The following ATP11A variants were observed in gnomAD, a reference collection of about 807,000 sequenced individuals.
ATP11A encodes phospholipid-transporting ATPase IH.
A neutral mutation model predicts 154.4 loss-of-function variants in ATP11A; 81 were observed. That is an observed-to-expected ratio of 0.52 (90% CI 0.44 to 0.63). The LOEUF (loss-of-function observed/expected upper bound fraction) is 0.63, where lower values mean the gene tolerates loss of function less well. Among genes scored for constraint, ATP11A ranks in the 30% least tolerant of loss-of-function variants. The pLI, the probability that ATP11A is intolerant of heterozygous loss-of-function variation, is 0.00. For synonymous variants in ATP11A, 623 were observed against 585.9 expected, an observed-to-expected ratio of 1.06 and a Z score of -0.91; for missense variants, 1,316 against 1,474.3, an observed-to-expected ratio of 0.89 and a Z score of 1.76.
intron 1 of ATP11A, among the ~76,000 whole-genome samples, chr13:112,722,749 A>T (rs1594419022): frequency 6.6e-6 from 1 of 152,190 alleles, no homozygotes; most frequent in South Asian, 2.1e-4. Context: ...CGTGGCTTGG[A>T]AAAACACAAA....
chr13:112,725,148 C>T (rs1048364835), intron 1 of ATP11A, among the ~76,000 whole-genome samples: 1 of 152,172 alleles, frequency 6.6e-6, no homozygotes, highest in Non-Finnish European at 1.5e-5. Flanking sequence ...TTCTGAGTCA[C>T]AAGAGACACT....
chr13:112,803,876 TTCCTTCC>T (rs2078220934), intron 2 of ATP11A, among the ~76,000 whole-genome samples: 14 of 67,808 alleles, frequency 2.1e-4, no homozygotes, highest in South Asian at 5.7e-4. Context: ...CTTGCTTCCC[TTCCTTCC>T]CTCATTCCCC....
chr13:112,866,197 C>T (rs1032090219), intron 25 of ATP11A, among the ~76,000 whole-genome samples: 1 of 152,164 alleles, frequency 6.6e-6, no homozygotes, highest in Non-Finnish European at 1.5e-5. Context: ...TTTGTCGTTT[C>T]TCTGTGTTTT....
chr13:112,866,553 C>T, intron 25 of ATP11A, among the ~76,000 whole-genome samples: 1 of 151,344 alleles, frequency 6.6e-6, no homozygotes, highest in Non-Finnish European at 1.5e-5. Context: ...CAGAGACCAT[C>T]CCTGCTTAAA....
rs955024703 is a variant in ATP11A, at chr13:112,837,660, ACCAAACAG to A, written c.1705+1413_1705+1420del. Among the ~76,000 whole-genome samples, 3 of 135,884 alleles carry A rather than the reference ACCAAACAG, an allele frequency of 2.2e-5. No individual in the cohort carries two copies. The Admixed American group carries it at 2.2e-4, about 10-fold the overall frequency. The allele number at this position is 135,884 out of a possible 152,430, so 89.1% of individuals were successfully genotyped here. A position where few individuals can be genotyped will look rare whatever the true frequency, so the allele number is the denominator to read the frequency against. On this transcript the variant is annotated intron_variant, in intron 16 of 29. Transcript: ENST00000375645. Reference sequence around the variant, plus strand: ...TCTTTGGAAAGATGCCTGGCAAACAACCAAACAGCCACTCCCCGGAACCAGACAGGCTG... The same window carrying A: ...TCTTTGGAAAGATGCCTGGCAAACAACCACTCCCCGGAACCAGACAGGCTG...
chr13:112,786,729 G>A (rs905694685), intron 2 of ATP11A, among the ~76,000 whole-genome samples: 50 of 152,348 alleles, frequency 3.3e-4, no homozygotes, highest in Admixed American at 5.2e-4. Flanking sequence ...CTAAACCCAC[G>A]CACACGCGTG....
Position 112,825,522 on chromosome 13 carries a change from C to A in ATP11A, c.965C>A (p.Pro322His), listed in dbSNP as rs778435046. ...CTGAAATACATGTGGCAGAGTGAGCCCTTTCGGGATGAGCCGTGGTATAAT... is the reference window on the plus strand; with the variant it reads ...CTGAAATACATGTGGCAGAGTGAGCACTTTCGGGATGAGCCGTGGTATAAT... ...TVLKYMWQSE[P>H]FRDEPWYNQK... Residue 322 changes from proline (P) to histidine (H), a missense_variant, in exon 11 of 30, where the codon CCC becomes CAC. Physicochemically the swap from Pro to His is moderately conservative, Grantham distance 77. Coordinates refer to ENST00000375645, the MANE Select transcript of ATP11A (RefSeq NM_015205.3). 2.5e-6 allele frequency: 4 copies of A among 1,613,912 alleles called. No individual in the cohort carries two copies. In the South Asian group the frequency reaches 4.4e-5, roughly 18 times the overall value.
At position 112,753,205 on chromosome 13, in the gene ATP11A, T is replaced by C. The variant is rs565256548; in HGVS notation, c.40-31930T>C. Among the ~76,000 whole-genome samples the C allele has an allele frequency of 7.8e-4, 119 of 152,286 alleles. No individual in the cohort carries two copies. Among genetic ancestry groups the C allele is most frequent in the African/African-American group, 2.8e-3 (118 of 41,554 alleles). On this transcript the variant is annotated intron_variant, in intron 1 of 29. Transcript: ENST00000375645. This position sits in a 1 kb window ranked among gnomAD's most constrained non-coding sequence, Gnocchi z 4.1. ...GCGTGCATGTGTCTGCACAGCTGCG[T>C]GATGTTCCCCTGTGGACTCAACCTC... is the stretch of plus-strand genomic sequence containing the variant.
chr13:112,876,060 G>C, intron 28 of ATP11A, 119 bp downstream of exon 28: 1 of 1,192,032 alleles, frequency 8.4e-7, no homozygotes, highest in Non-Finnish European at 1.1e-6. Context: ...GATCAGTTCA[G>C]GTATCACTAA....
chr13:112,807,399 C>T lies in ATP11A; in HGVS notation c.333+1106C>T, dbSNP rs771797649. The stretch of plus-strand genomic sequence containing the variant: ...ATTGATTAGCAAAGGACTCGGGCAA[C>T]CTGGTGTCCCTCCGTAAGGAAATGG... On this transcript the variant is annotated intron_variant, in intron 4 of 29. Coordinates refer to ENST00000375645, the MANE Select transcript of ATP11A (RefSeq NM_015205.3). This position sits in a 1 kb window ranked among gnomAD's most constrained non-coding sequence, Gnocchi z 4.5. Among the ~76,000 whole-genome samples, 1 of 152,218 alleles carries T rather than the reference C, an allele frequency of 6.6e-6. No individual in the cohort carries two copies. Among genetic ancestry groups the T allele is most frequent in the Non-Finnish European group, 1.5e-5 (1 of 68,040 alleles).
chr13:112,804,998 A>G lies in ATP11A; in HGVS notation c.204A>G (p.Gln68=). The change falls in exon 3 of 30, where the codon CAA becomes CAG. Residue 68 remains glutamine, a synonymous_variant. Transcript: ENST00000375645. ...WNFIPKNLFE[Q]FRRVANFYFL... is the part of the protein sequence containing the mutation. ...TTATACCCAAGAATTTATTTGAACA[A>G]TTCAGAAGAGTAGCCAACTTTTATT... 1 of 1,612,378 alleles carries G rather than the reference A, an allele frequency of 6.2e-7. No homozygotes were observed. The highest frequency in any genetic ancestry group is 8.5e-7 in the Non-Finnish European group (1 of 1,179,416).
chr13:112,693,895 T>C (rs992270786), intron 1 of ATP11A, among the ~76,000 whole-genome samples: 4 of 152,202 alleles, frequency 2.6e-5, no homozygotes, highest in African/African-American at 7.2e-5. Context: ...GAGGTTGCAG[T>C]GAGCTGAGAT....
At chr13:112,843,725 A>C (rs1221698791) in intron 17 of ATP11A, among the ~76,000 whole-genome samples, 1 of 152,220 alleles carries the variant, frequency 6.6e-6, no homozygotes, top group South Asian at 2.1e-4. Flanking sequence ...CAGAGCATTA[A>C]GAATTCCTGC....
chr13:112,744,778 A>C (rs1418805991), intron 1 of ATP11A, among the ~76,000 whole-genome samples: 1 of 152,210 alleles, frequency 6.6e-6, no homozygotes, highest in Non-Finnish European at 1.5e-5. Flanking sequence ...GTGTGTCCCA[A>C]GTTAAAACGT....
At chr13:112,874,835 C>T (rs1366422194) in intron 27 of ATP11A, among the ~76,000 whole-genome samples, 5 of 152,182 alleles carry the variant, frequency 3.3e-5, no homozygotes, top group Non-Finnish European at 7.3e-5. Flanking sequence ...TTCTAACAGC[C>T]CTGAAGGCGA....
chr13:112,790,325 T>C (rs1278193174), intron 2 of ATP11A, among the ~76,000 whole-genome samples: 1 of 150,764 alleles, frequency 6.6e-6, no homozygotes. Context: ...TGTAGACCCC[T>C]GTGTAGACCT....
chr13:112,806,203 C>CT lies in ATP11A; in HGVS notation c.253-7dup, dbSNP rs767262393. The stretch of plus-strand genomic sequence containing the variant: ...TTTGAAGATGATTTTACAATTCTCT[C>CT]TTTCTGCAGTTGATTATTGATACAC... On this transcript the variant is annotated splice_polypyrimidine_tract_variant and intron_variant, in intron 3 of 29. Coordinates refer to ENST00000375645, the MANE Select transcript of ATP11A (RefSeq NM_015205.3). 9 of 1,607,080 alleles carry CT rather than the reference C, an allele frequency of 5.6e-6. No individual in the cohort carries two copies. The African/African-American group carries it at 1.1e-4, about 19-fold the overall frequency.
chr13:112,850,953 A>AGG, intron 17 of ATP11A, 84 bp from the exon 18 acceptor site: 1 of 1,287,320 alleles, frequency 7.8e-7, no homozygotes, highest in Non-Finnish European at 1.1e-6. Context: ...TAATGAGAGA[A>AGG]GGGATACTGG....
intron 1 of ATP11A, among the ~76,000 whole-genome samples, chr13:112,713,752 T>C (rs1280139353): frequency 6.6e-6 from 1 of 152,064 alleles, no homozygotes; most frequent in Non-Finnish European, 1.5e-5. Context: ...TTGATAAGGA[T>C]AAAATGAAAC....
Sources: allele counts gnomAD v4.1 joint callset (sites outside exome capture counted in the v4.1 genomes callset), GRCh38; gene constraint gnomAD v4.1.1; non-coding constraint Gnocchi (gnomAD v3.1); transcripts MANE v1.5; gene names NCBI Gene and HGNC (gene_info 2026-07-23, HGNC 2026-07-21).